Variants in ACTR3 observed in about 807,000 individuals in gnomAD.
The protein encoded by ACTR3 is actin related protein 3.
Under a neutral mutation model 56.8 loss-of-function variants are expected in ACTR3, and 12 were observed. The ratio of observed to expected loss-of-function variants is 0.21; its 90% CI spans 0.14 to 0.34. The LOEUF (loss-of-function observed/expected upper bound fraction) is 0.34, where lower values mean the gene tolerates loss of function less well. Ranked by LOEUF, ACTR3 falls within the 10% of genes least tolerant of loss-of-function variation. The pLI, the probability that ACTR3 is intolerant of heterozygous loss-of-function variation, is 1.00. For missense variants in ACTR3, 282 were observed against 512.5 expected (o/e 0.55, Z 4.34); for synonymous variants, 162 against 167.4 (o/e 0.97, Z 0.25).
At chr2:113,893,163 T>A (rs2104576654) in intron 1 of ACTR3, among the ~76,000 whole-genome samples, 1 of 152,250 alleles carries the variant, frequency 6.6e-6, no homozygotes, top group Non-Finnish European at 1.5e-5. Flanking sequence ...AAGCATTTTC[T>A]TTAAAAGGCA....
intron 5 of ACTR3, 52 bp from the exon 6 acceptor site, chr2:113,934,227 T>G: frequency 7.7e-7 from 1 of 1,292,394 alleles, no homozygotes; most frequent in Non-Finnish European, 1.1e-6. Flanking sequence ...ACTCTTTGTT[T>G]TTTTGTTTTT....
At chr2:113,923,185 G>A (rs749120950) in intron 3 of ACTR3, among the ~76,000 whole-genome samples, 1 of 152,004 alleles carries the variant, frequency 6.6e-6, no homozygotes, top group Non-Finnish European at 1.5e-5. Flanking sequence ...CTTTTAAAAC[G>A]ACACTTCTTA....
chr2:113,954,255 A>G (rs1421917000), intron 10 of ACTR3: 1 of 152,090 alleles, frequency 6.6e-6, no homozygotes, highest in Non-Finnish European at 1.5e-5. Flanking sequence ...TTTATATTTA[A>G]TAAGAATCTA....
chr2:113,934,236 T>G (rs1182262251), intron 5 of ACTR3, 43 bp from the exon 6 acceptor site: 2 of 1,348,922 alleles, frequency 1.5e-6, no homozygotes, highest in South Asian at 2.6e-5. Flanking sequence ...TTTTTTGTTT[T>G]TTTTTTTTGT....
chr2:113,919,679 C>T (rs568564467), intron 3 of ACTR3, among the ~76,000 whole-genome samples: 26 of 152,122 alleles, frequency 1.7e-4, no homozygotes, highest in Non-Finnish European at 3.7e-4. Flanking sequence ...TTCCCAGCTC[C>T]GAGATAGTCT....
At chr2:113,909,190 A>G (rs1178389663) in intron 1 of ACTR3, among the ~76,000 whole-genome samples, 1 of 152,152 alleles carries the variant, frequency 6.6e-6, no homozygotes, top group African/African-American at 2.4e-5. Context: ...TAAATAAATT[A>G]TGGTATATCC....
In ACTR3 at chr2:113,890,246, A is replaced by ACGGCGG. The variant is rs759029887; in HGVS notation, c.-32_-27dup. 15 of 1,550,314 alleles carry ACGGCGG rather than the reference A, an allele frequency of 9.7e-6. No homozygotes were observed. The South Asian group carries it at 1.7e-4, about 17-fold the overall frequency. On this transcript the variant is annotated 5_prime_UTR_variant, in exon 1 of 12. Transcript: ENST00000263238. ...TCTGGCCCCTAGCAGCACGGAGCAG[A>ACGGCGG]CGGCGGCAGCAGCAGCAGCAGGCGA...
chr2:113,902,164 T>A (rs913947621), intron 1 of ACTR3, among the ~76,000 whole-genome samples: 5 of 152,206 alleles, frequency 3.3e-5, no homozygotes, highest in African/African-American at 1.2e-4. Context: ...CAGAGGCAGT[T>A]ACTGTTGTGA....
intron 1 of ACTR3, chr2:113,890,564 C>T (rs1256572271): frequency 2.0e-5 from 28 of 1,371,128 alleles, no homozygotes; most frequent in Non-Finnish European, 2.4e-5. Context: ...CTCCCAGCGG[C>T]TTTCTCCGCG....
At chr2:113,926,380 T>G (rs1679619997) in intron 3 of ACTR3, among the ~76,000 whole-genome samples, 1 of 152,206 alleles carries the variant, frequency 6.6e-6, no homozygotes, top group Admixed American at 6.5e-5. Context: ...AAAATAACTT[T>G]GCGGCGCCCT....
rs755499015 is a variant in ACTR3 at position 113,916,841 on chromosome 2, T to G, written c.101-43T>G. ...AGTGTAAGGTAAAAGTTTTTCTCAT[T>G]TGAGGAAAATGAATTCTTTGACATG... On this transcript the variant is annotated intron_variant, in intron 2 of 11. Coordinates refer to ENST00000263238, the MANE Select transcript of ACTR3 (RefSeq NM_005721.5). 3 of 1,547,620 alleles carry G rather than the reference T, an allele frequency of 1.9e-6. No individual in the cohort carries two copies. In the South Asian group the frequency reaches 3.7e-5, roughly 19 times the overall value.
rs1197213408 is a variant in ACTR3 at position 113,960,735 on chromosome 2, A to G, written c.*3280A>G. ...TTCTGATCTTTCGTAGTTCATAGTC[A>G]CCAGGCATGAGTACCTTGGATAGCC... On this transcript the variant is annotated 3_prime_UTR_variant, in exon 12 of 12. Transcript: ENST00000263238. 1 of 151,886 alleles carries G rather than the reference A, an allele frequency of 6.6e-6. No homozygotes were observed. Among genetic ancestry groups the G allele is most frequent in the Non-Finnish European group, 1.5e-5 (1 of 67,886 alleles). The allele number at this position is 151,886 out of a possible 1,614,324, so 9.4% of individuals were successfully genotyped here. A position where few individuals can be genotyped will look rare whatever the true frequency, so the allele number is the denominator to read the frequency against.
intron 8 of ACTR3, among the ~76,000 whole-genome samples, chr2:113,945,142 A>G (rs1371852994): frequency 2.0e-5 from 3 of 152,212 alleles, no homozygotes; most frequent in Non-Finnish European, 4.4e-5. Context: ...TGGTCAGACT[A>G]GTATACTGGA....
intron 1 of ACTR3, among the ~76,000 whole-genome samples, chr2:113,892,936 ACT>A (rs1678933615): frequency 6.6e-6 from 1 of 152,158 alleles, no homozygotes; most frequent in Non-Finnish European, 1.5e-5. Context: ...GTCCAGCAAA[ACT>A]CAACATATGA....
intron 1 of ACTR3, among the ~76,000 whole-genome samples, chr2:113,895,059 T>TCCCCCC (rs61667793): frequency 2.7e-3 from 304 of 111,196 alleles, no homozygotes; most frequent in African/African-American, 3.9e-3. Context: ...TGGTTTAGGT[T>TCCCCCC]CCCCCCCCCC....
chr2:113,941,081 T>G (rs1679916573), intron 7 of ACTR3, among the ~76,000 whole-genome samples: 1 of 152,136 alleles, frequency 6.6e-6, no homozygotes, highest in Non-Finnish European at 1.5e-5. Flanking sequence ...CTCAAAGTGC[T>G]GGATGTGAGT....
chr2:113,918,620 A>G (rs1045902986), intron 3 of ACTR3, among the ~76,000 whole-genome samples: 2 of 152,088 alleles, frequency 1.3e-5, no homozygotes, highest in African/African-American at 4.8e-5. Flanking sequence ...TCCTGGGCTC[A>G]AGCAATTTGT....
intron 1 of ACTR3, among the ~76,000 whole-genome samples, chr2:113,891,835 A>G (rs967839585): frequency 6.6e-6 from 1 of 152,136 alleles, no homozygotes; most frequent in Non-Finnish European, 1.5e-5. Context: ...TTTTTGATGA[A>G]CACTTTATTT....
chr2:113,895,583 A>G (rs1030191043), intron 1 of ACTR3, among the ~76,000 whole-genome samples: 1 of 152,236 alleles, frequency 6.6e-6, no homozygotes, highest in African/African-American at 2.4e-5. Context: ...CAGCCCATTC[A>G]AGGGCTAACT....
Sources: gnomAD v4.1 joint callset for allele counts (sites outside exome capture counted in the v4.1 genomes callset) on GRCh38, gnomAD v4.1.1 for gene constraint, MANE v1.5 for transcripts, NCBI Gene and HGNC (gene_info 2026-07-23, HGNC 2026-07-21) for gene names.